The following SLC2A5 variants were observed in gnomAD, a reference collection of about 807,000 sequenced individuals.
The protein encoded by SLC2A5 is solute carrier family 2, facilitated glucose transporter member 5.
In SLC2A5, 56 loss-of-function variants were observed where a neutral mutation model predicts 50.3. The observed-to-expected ratio is 1.11, with a 90% confidence interval of 0.90 to 1.39. SLC2A5 has a LOEUF of 1.39. SLC2A5 is among the 40% of genes most tolerant of loss of function. The pLI, the probability that SLC2A5 is intolerant of heterozygous loss-of-function variation, is 0.00. For synonymous variants in SLC2A5, 269 were observed against 281.9 expected, an observed-to-expected ratio of 0.95 and a Z score of 0.46; for missense variants, 566 against 650.1, an observed-to-expected ratio of 0.87 and a Z score of 1.41.
intron 1 of SLC2A5, among the ~76,000 whole-genome samples, chr1:9,062,498 A>G (rs1612895): frequency 0.52 from 79,438 of 151,950 alleles, 22,149 homozygotes; most frequent in East Asian, 0.75. Context: ...AAGACTGGGT[A>G]TTCACTCCAT....
intron 4 of SLC2A5, among the ~76,000 whole-genome samples, chr1:9,042,968 G>T (rs1641344265): frequency 6.6e-6 from 1 of 152,094 alleles, no homozygotes; most frequent in Non-Finnish European, 1.5e-5. Flanking sequence ...CTGGTGGAGG[G>T]AAAACTTACT....
rs12074074 is a variant in SLC2A5 at position 9,081,282 on chromosome 1, C to A, written c.-59+3732G>T. On this transcript the variant is annotated intron_variant, in intron 2 of 5. Coordinates refer to the SLC2A5 transcript ENST00000464985. ...TTCAGAAAAAAAAAAAAAAAAAACC[C>A]CAAAAAAAAAAAACACGACCAAAAC... Among the ~76,000 whole-genome samples the A allele has an allele frequency of 5.3e-3, 426 of 79,716 alleles. 3 individuals are homozygous for A. Among genetic ancestry groups the A allele is most frequent in the East Asian group, 0.023 (28 of 1,216 alleles). 52.3% of individuals were successfully genotyped at this position (79,716 alleles called of 152,430 possible).
chr1:9,073,771 T>A (rs191990815), upstream of SLC2A5, among the ~76,000 whole-genome samples: 1,209 of 152,292 alleles, frequency 7.9e-3, 10 homozygotes, highest in Middle Eastern at 0.031. Context: ...TGTGAGTTAG[T>A]TAGTTCATTT....
At chr1:9,094,082 A>T in the SLC2A5 span, among the ~76,000 whole-genome samples, 4 of 152,176 alleles carry the variant, frequency 2.6e-5, no homozygotes, top group Non-Finnish European at 5.9e-5. Flanking sequence ...CTCTGGGGGA[A>T]GTTTCCCTGT....
intron 3 of SLC2A5, among the ~76,000 whole-genome samples, chr1:9,055,280 G>A (rs1641720029): frequency 6.6e-6 from 1 of 152,094 alleles, no homozygotes; most frequent in East Asian, 1.9e-4. Context: ...CACTTTGGGA[G>A]GCCAAGGCGG....
Position 9,053,190 on chromosome 1 carries a change from ATATATTTATATAT to A in SLC2A5, c.293+4245_293+4257del, listed in dbSNP as rs1462269919. On this transcript the variant is annotated intron_variant, in intron 3 of 11. Transcript: ENST00000377424. ...TATATATTTTATATATTTATATATT[ATATATTTATATAT>A]TATATTTATATATTATATATTTATA... is the stretch of plus-strand genomic sequence containing the variant. Among the ~76,000 whole-genome samples, 256 of 94,778 alleles carry A rather than the reference ATATATTTATATAT, an allele frequency of 2.7e-3. 1 individual carries two copies. The highest frequency in any genetic ancestry group is 3.9e-3 in the Non-Finnish European group (208 of 53,436). The allele number at this position is 94,778 out of a possible 152,430, so 62.2% of individuals were successfully genotyped here.
At chr1:9,047,207 C>T (rs1304101208) in intron 4 of SLC2A5, among the ~76,000 whole-genome samples, 1 of 152,196 alleles carries the variant, frequency 6.6e-6, no homozygotes, top group Admixed American at 6.5e-5. Flanking sequence ...AGTGATCCTC[C>T]CGCCTCGGCT....
chr1:9,083,246 T>C (rs1258809097), intron 2 of SLC2A5, among the ~76,000 whole-genome samples: 1 of 152,218 alleles, frequency 6.6e-6, no homozygotes, highest in Non-Finnish European at 1.5e-5. Context: ...AAGAGTATGC[T>C]TGAAGCAATG....
chr1:9,046,504 C>T (rs374706107), intron 4 of SLC2A5, among the ~76,000 whole-genome samples: 123 of 152,274 alleles, frequency 8.1e-4, no homozygotes, highest in African/African-American at 2.2e-3. Flanking sequence ...GAACTCAGTA[C>T]GCCCTTGGCA....
chr1:9,040,454 G>C lies in SLC2A5; in HGVS notation c.572-265C>G. On this transcript the variant is annotated intron_variant, in intron 5 of 11. Coordinates refer to ENST00000377424, the MANE Select transcript of SLC2A5 (RefSeq NM_003039.3). The surrounding 1 kb of genome is among the most constrained non-coding windows in gnomAD (Gnocchi z 4.3). The stretch of plus-strand genomic sequence containing the variant: ...ACCATGTGCTGGTGAGAACGTCCCC[G>C]TGTCCTTCAGAGGACAGTCTTGCAG... 1 of 460,082 alleles carries C rather than the reference G, an allele frequency of 2.2e-6. No individual in the cohort carries two copies. Among genetic ancestry groups the C allele is most frequent in the Non-Finnish European group, 3.9e-6 (1 of 255,480 alleles). The allele number at this position is 460,082 out of a possible 1,614,324, so 28.5% of individuals were successfully genotyped here. A position where few individuals can be genotyped will look rare whatever the true frequency, so the allele number is the denominator to read the frequency against.
chr1:9,077,500 G>A (rs1180391529), intron 2 of SLC2A5, among the ~76,000 whole-genome samples: 1 of 151,512 alleles, frequency 6.6e-6, no homozygotes, highest in Admixed American at 6.6e-5. Flanking sequence ...CAGCACTTTG[G>A]GAGGCTGAGG....
chr1:9,048,846 G>A (rs1195643761), intron 3 of SLC2A5, among the ~76,000 whole-genome samples: 1 of 151,944 alleles, frequency 6.6e-6, no homozygotes, highest in African/African-American at 2.4e-5. Context: ...TAATAGAGAT[G>A]GAGTTTCCCC....
At chr1:9,049,252 GC>G (rs1557667605) in intron 3 of SLC2A5, 1 of 452,506 alleles carries the variant, frequency 2.2e-6, no homozygotes. Flanking sequence ...CGTGAGAGCC[GC>G]TTATACTAAC....
chr1:9,055,418 G>A (rs1305481045), intron 3 of SLC2A5, among the ~76,000 whole-genome samples: 5 of 152,094 alleles, frequency 3.3e-5, no homozygotes, highest in African/African-American at 4.8e-5. Flanking sequence ...TTGGGAGGCC[G>A]AGGCAGGAGA....
intron 1 of SLC2A5, among the ~76,000 whole-genome samples, chr1:9,058,648 C>T (rs920526074): frequency 3.9e-5 from 6 of 152,222 alleles, no homozygotes; most frequent in Non-Finnish European, 8.8e-5. Flanking sequence ...TCTAACACTG[C>T]AGCTACTGCA....
At position 9,037,952 on chromosome 1, in the gene SLC2A5, C is replaced by A. The variant is rs1251075567; in HGVS notation, c.1247G>T (p.Gly416Val). Reference sequence around the variant, plus strand: ...GAAGTTGGAGAGCCAGTGCACACTGCCCCCCACCATGAAGGCAGATGGCCG... The same window carrying A: ...GAAGTTGGAGAGCCAGTGCACACTGACCCCCACCATGAAGGCAGATGGCCG... ...SSRPSAFMVGGSVHWLSNFTV... is the reference protein window; with the variant it reads ...SSRPSAFMVGVSVHWLSNFTV... Residue 416 changes from glycine (G) to valine (V), a missense_variant, in exon 11 of 12, where the codon GGC becomes GTC. Transcript: ENST00000377424. 6.2e-7 allele frequency: 1 copy of A among 1,613,922 alleles called. No individual in the cohort carries two copies. The highest frequency in any genetic ancestry group is 1.7e-5 in the Admixed American group (1 of 60,024).
rs1039681864 is a variant in SLC2A5, at chr1:9,087,985, G to A, written c.-188+387C>T. 3.3e-5 allele frequency among the ~76,000 whole-genome samples: 5 copies of A among 152,090 alleles called. No individual in the cohort carries two copies. In the East Asian group the frequency reaches 9.7e-4, roughly 29 times the overall value. ...TATTACAACACAGCCTGGCCCCAGT[G>A]CAAATGAGATAATGACAGTTGATGG... On this transcript the variant is annotated intron_variant, in intron 1 of 5. Coordinates refer to the SLC2A5 transcript ENST00000464985.
chr1:9,060,085 C>T (rs371471422), intron 1 of SLC2A5, among the ~76,000 whole-genome samples: 2 of 126,694 alleles, frequency 1.6e-5, no homozygotes, highest in South Asian at 5.8e-4. Context: ...CACACACACA[C>T]TACACACACA....
upstream of SLC2A5, among the ~76,000 whole-genome samples, chr1:9,070,918 C>G (rs2124460815): frequency 6.6e-6 from 1 of 151,822 alleles, no homozygotes; most frequent in Middle Eastern, 3.4e-3. Flanking sequence ...CAGCTACTGC[C>G]TGTCTTTTTC....
Sources: gnomAD v4.1 joint callset for allele counts (sites outside exome capture counted in the v4.1 genomes callset) on GRCh38, gnomAD v4.1.1 for gene constraint, Gnocchi (gnomAD v3.1) non-coding constraint, MANE v1.5 for transcripts, NCBI Gene and HGNC (gene_info 2026-07-23, HGNC 2026-07-21) for gene names.